The following GREB1 variants were observed in gnomAD, a reference collection of about 807,000 sequenced individuals.
GREB1 encodes growth regulating estrogen receptor binding 1.
GREB1 carries 106 observed loss-of-function variants against 200.7 expected under a neutral mutation model. The observed-to-expected ratio is 0.53, with a 90% CI of 0.45 to 0.62. GREB1 has a LOEUF of 0.62. Among genes scored for constraint, GREB1 ranks in the 20% least tolerant of loss-of-function variants. GREB1 has a pLI of 0.00. For synonymous variants in GREB1, 1,132 were observed against 1,092.4 expected, an observed-to-expected ratio of 1.04 and a Z score of -0.72; for missense variants, 2,243 against 2,556.8, an observed-to-expected ratio of 0.88 and a Z score of 2.65.
intron 21 of GREB1, among the ~76,000 whole-genome samples, chr2:11,617,670 G>A (rs761478919): frequency 1.2e-4 from 18 of 152,200 alleles, no homozygotes; most frequent in Non-Finnish European, 2.4e-4. Context: ...GGGGCGAGAC[G>A]TGCAGGGCCT....
At position 11,580,601 on chromosome 2, in the gene GREB1, A is replaced by AAAG; in HGVS notation, c.773-102_773-100dup. ...ACCTCCTGATGAGACTTGCTGGGGA[A>AAAG]AAGCTAGTTTGTGAAACTGCAAGGA... On this transcript the variant is annotated intron_variant, in intron 6 of 32. Transcript: ENST00000381486. The surrounding 1 kb of genome is among the most constrained non-coding windows in gnomAD (Gnocchi z 4.5). The AAAG allele has an allele frequency of 7.3e-7, 1 of 1,361,256 alleles. No homozygotes were observed. The highest frequency in any genetic ancestry group is 1.0e-6 in the Non-Finnish European group (1 of 994,442). 84.3% of individuals were successfully genotyped at this position (1,361,256 alleles called of 1,614,324 possible).
upstream of GREB1, among the ~76,000 whole-genome samples, chr2:11,532,524 G>A (rs1674112860): frequency 6.6e-6 from 1 of 152,206 alleles, no homozygotes; most frequent in South Asian, 2.1e-4. Flanking sequence ...GAAAAAAAGT[G>A]TGGCAACTGG....
At chr2:11,576,233 GGA>G in intron 4 of GREB1, 118 bp from the exon 5 acceptor site, 2 of 751,730 alleles carry the variant, frequency 2.7e-6, no homozygotes, top group East Asian at 5.0e-5. Flanking sequence ...CTTGAACCTG[GGA>G]GATAGAGGTT....
intron 1 of GREB1, among the ~76,000 whole-genome samples, chr2:11,553,673 T>A (rs988162344): frequency 2.0e-5 from 3 of 152,222 alleles, no homozygotes; most frequent in Middle Eastern, 3.4e-3. Context: ...TGGGCTACCA[T>A]GTGTGTGAAG....
At chr2:11,639,695 G>A (rs1387359973) in intron 32 of GREB1, among the ~76,000 whole-genome samples, 1 of 152,236 alleles carries the variant, frequency 6.6e-6, no homozygotes, top group African/African-American at 2.4e-5. Context: ...AGCACCAGCA[G>A]CATCTAAGGC....
intron 9 of GREB1, chr2:11,587,295 C>T (rs577197899): frequency 1.0e-6 from 1 of 994,990 alleles, no homozygotes; most frequent in Non-Finnish European, 1.6e-6. Context: ...CTCTGCCCCC[C>T]TTGTCACTTC....
intron 1 of GREB1, among the ~76,000 whole-genome samples, chr2:11,500,829 C>T (rs1673017699): frequency 6.6e-6 from 1 of 152,174 alleles, no homozygotes; most frequent in South Asian, 2.1e-4. Context: ...TCCCAACCAA[C>T]TGCGGCATTT....
intron 4 of GREB1, among the ~76,000 whole-genome samples, chr2:11,569,081 C>T (rs747455627): frequency 2.0e-5 from 3 of 152,114 alleles, no homozygotes; most frequent in Non-Finnish European, 4.4e-5. Context: ...TTTTAATCAA[C>T]TCAGGTATTT....
intron 1 of GREB1, among the ~76,000 whole-genome samples, chr2:11,497,947 A>G (rs1201354590): frequency 9.0e-6 from 1 of 111,356 alleles, no homozygotes; most frequent in Non-Finnish European, 1.8e-5. Context: ...TCATCCTCTT[A>G]ACAGGGTCTT....
rs748819479 is a variant in GREB1, at chr2:11,615,050, T to C, written c.3123-41T>C. ...CGCAGTGGGAACAGCACTCCACTTG[T>C]GGAAGGCACTAAACAGACACCTTCT... On this transcript the variant is annotated intron_variant, in intron 19 of 32. Coordinates refer to ENST00000381486, the MANE Select transcript of GREB1 (RefSeq NM_014668.4). 9.5e-6 allele frequency: 14 copies of C among 1,478,288 alleles called. No individual in the cohort carries two copies. In the South Asian group the frequency reaches 1.5e-4, roughly 16 times the overall value. The allele number at this position is 1,478,288 out of a possible 1,614,324, so 91.6% of individuals were successfully genotyped here. A position where few individuals can be genotyped will look rare whatever the true frequency, so the allele number is the denominator to read the frequency against.
chr2:11,571,302 T>TAA (rs902647671), intron 4 of GREB1, among the ~76,000 whole-genome samples: 1 of 152,154 alleles, frequency 6.6e-6, no homozygotes, highest in African/African-American at 2.4e-5. Context: ...GGAAGGAACA[T>TAA]AGAGTTGCTG....
chr2:11,635,459 G>GCA (rs1685236752), intron 30 of GREB1, 54 bp downstream of exon 30: 1 of 1,556,406 alleles, frequency 6.4e-7, no homozygotes. Context: ...GGCCGCCCTG[G>GCA]CACACACACT....
chr2:11,606,174 C>G (rs1682271468), intron 17 of GREB1, among the ~76,000 whole-genome samples: 1 of 152,208 alleles, frequency 6.6e-6, no homozygotes, highest in Non-Finnish European at 1.5e-5. Flanking sequence ...TTTCCATGTA[C>G]ATGGGTTTCA....
At chr2:11,509,024 G>T (rs555913667) in intron 1 of GREB1, among the ~76,000 whole-genome samples, 27 of 149,132 alleles carry the variant, frequency 1.8e-4, no homozygotes, top group Admixed American at 2.0e-4. Flanking sequence ...ACAGGCGCCC[G>T]CCACCACGCC....
intron 6 of GREB1, among the ~76,000 whole-genome samples, chr2:11,579,602 G>T (rs997642195): frequency 6.6e-6 from 1 of 152,276 alleles, no homozygotes; most frequent in East Asian, 1.9e-4. Flanking sequence ...GCATAGGGAG[G>T]TTAAGTAAGT....
intron 24 of GREB1, among the ~76,000 whole-genome samples, chr2:11,625,862 CTTAA>C (rs1488786676): frequency 6.6e-6 from 1 of 152,122 alleles, no homozygotes; most frequent in Non-Finnish European, 1.5e-5. Context: ...GAAAAAGAGG[CTTAA>C]TTGACTCACA....
At chr2:11,589,091 G>A (rs1201553414) in intron 10 of GREB1, among the ~76,000 whole-genome samples, 160 bp downstream of exon 10, 1 of 152,214 alleles carries the variant, frequency 6.6e-6, no homozygotes, top group Non-Finnish European at 1.5e-5. Context: ...GTCACTGTGG[G>A]CGTCCCCACA....
intron 17 of GREB1, among the ~76,000 whole-genome samples, chr2:11,605,144 C>CTTTT (rs3035991): frequency 0.021 from 938 of 44,682 alleles, 142 homozygotes; most frequent in African/African-American, 0.038. Flanking sequence ...GAGCCTGCTT[C>CTTTT]TTTTTTTTTT....
intron 1 of GREB1, among the ~76,000 whole-genome samples, chr2:11,488,316 TTAAAA>T (rs1191303813): frequency 6.6e-6 from 1 of 152,142 alleles, no homozygotes; most frequent in Non-Finnish European, 1.5e-5. Context: ...CTGTAAGCTC[TTAAAA>T]TAAAAACAAC....
Sources: gnomAD v4.1 joint callset for allele counts (sites outside exome capture counted in the v4.1 genomes callset) on GRCh38, gnomAD v4.1.1 for gene constraint, Gnocchi (gnomAD v3.1) non-coding constraint, MANE v1.5 for transcripts, NCBI Gene and HGNC (gene_info 2026-07-23, HGNC 2026-07-21) for gene names.